The following RHPN2 variants were observed in gnomAD, a reference collection of about 807,000 sequenced individuals.
RHPN2 encodes the protein rhophilin Rho GTPase binding protein 2.
Under a neutral mutation model 79.0 loss-of-function variants are expected in RHPN2, and 40 were observed. That is an observed-to-expected ratio of 0.51 (90% CI 0.39 to 0.66). The LOEUF (loss-of-function observed/expected upper bound fraction) is 0.66. RHPN2 is among the 30% of genes least tolerant of loss of function. The probability of loss-of-function intolerance (pLI) is 0.00; values close to 1 mark genes in which losing one functional copy is unlikely to be tolerated. For missense variants in RHPN2, 686 were observed against 883.5 expected (o/e 0.78, Z 2.83); for synonymous variants, 285 against 363.5 (o/e 0.78, Z 2.46).
At position 32,999,823 on chromosome 19, in the gene RHPN2, A is replaced by T. The variant is rs1421231265; in HGVS notation, c.1106-118T>A. 6 of 1,354,834 alleles carry T rather than the reference A, an allele frequency of 4.4e-6. No individual in the cohort carries two copies. In the African/African-American group the frequency reaches 5.8e-5, roughly 13 times the overall value. 83.9% of individuals were successfully genotyped at this position (1,354,834 alleles called of 1,614,324 possible). On this transcript the variant is annotated intron_variant, in intron 9 of 14. Transcript: ENST00000254260. ...TCTGCAGTTTCACAAGGCATTTGGG[A>T]TCATGGGTCTCCTTTCTGCCCCCGG...
intron 1 of RHPN2, among the ~76,000 whole-genome samples, chr19:33,054,686 C>A (rs1448418201): frequency 6.6e-6 from 1 of 152,204 alleles, no homozygotes; most frequent in African/African-American, 2.4e-5. Flanking sequence ...TCTGGCTGAG[C>A]GGTACCTGCA....
At chr19:32,991,023 A>G (rs1971655571) in intron 13 of RHPN2, among the ~76,000 whole-genome samples, 1 of 151,134 alleles carries the variant, frequency 6.6e-6, no homozygotes, top group South Asian at 2.1e-4. Context: ...TAAAAAAAAA[A>G]AAAAAAAGCC....
chr19:33,025,814 G>A (rs1272596206), intron 3 of RHPN2, among the ~76,000 whole-genome samples: 3 of 152,164 alleles, frequency 2.0e-5, no homozygotes, highest in Non-Finnish European at 4.4e-5. Context: ...CTTGCTTAAT[G>A]TCTGTTCAGT....
Position 33,064,846 on chromosome 19 carries a change from C to T in RHPN2, c.7G>A (p.Asp3Asn), listed in dbSNP as rs766619741. MT[D>N]ALLPAAPQPL... is the part of the protein sequence containing the mutation. Reference sequence around the variant, plus strand: ...TGGGGGGCCGCGGGCAACAGCGCGTCGGTCATGCTAGCGGCGCGGGCGCGG... The same window carrying T: ...TGGGGGGCCGCGGGCAACAGCGCGTTGGTCATGCTAGCGGCGCGGGCGCGG... Residue 3 changes from aspartate to asparagine, a missense_variant, in exon 1 of 15, where the codon GAC becomes AAC. Asp to Asn is a conservative substitution (Grantham distance 23). Coordinates refer to ENST00000254260, the MANE Select transcript of RHPN2 (RefSeq NM_033103.5). 5 of 1,514,488 alleles carry T rather than the reference C, an allele frequency of 3.3e-6. No homozygotes were observed. The South Asian group carries it at 4.9e-5, about 15-fold the overall frequency. The allele number at this position is 1,514,488 out of a possible 1,614,324, so 93.8% of individuals were successfully genotyped here.
At chr19:33,017,066 G>C (rs1159103414) in intron 4 of RHPN2, among the ~76,000 whole-genome samples, 2 of 152,158 alleles carry the variant, frequency 1.3e-5, no homozygotes, top group African/African-American at 4.8e-5. Context: ...GTTTCTCCAA[G>C]AGACTCTTCC....
In RHPN2 at chr19:32,996,101, G is replaced by A. The variant is rs776930286; in HGVS notation, c.1345C>T (p.Arg449Cys). 17 of 1,614,022 alleles carry A rather than the reference G, an allele frequency of 1.1e-5. No individual in the cohort carries two copies. The highest frequency in any genetic ancestry group is 4.5e-5 in the East Asian group (2 of 44,874). Residue 449 changes from arginine to cysteine, a missense_variant, in exon 11 of 15, where the codon CGC (arginine) becomes TGC (cysteine). Arg to Cys is a radical substitution (Grantham distance 180). Transcript: ENST00000254260. ...LQKVLCAAQE[R>C]SRLTYAQHQE... ...TGCTGGGCGTACGTGAGCCGGGAGC[G>A]TTCCTGTGCGGCACACAGCACCTTC... is the stretch of plus-strand genomic sequence containing the variant.
chr19:33,025,353 G>A (rs1180410185), intron 3 of RHPN2, among the ~76,000 whole-genome samples: 2 of 150,662 alleles, frequency 1.3e-5, no homozygotes, highest in South Asian at 2.1e-4. Context: ...GTGATGGTGC[G>A]TGCCTGTAAT....
chr19:32,986,204 C>G (rs1362334048), intron 14 of RHPN2, among the ~76,000 whole-genome samples: 1 of 152,164 alleles, frequency 6.6e-6, no homozygotes, highest in Non-Finnish European at 1.5e-5. Flanking sequence ...CTACAGCAGC[C>G]CCTTCCTTGG....
intron 1 of RHPN2, among the ~76,000 whole-genome samples, chr19:33,058,891 G>T (rs997976449): frequency 1.3e-5 from 2 of 152,134 alleles, no homozygotes; most frequent in African/African-American, 4.8e-5. Context: ...GAGGTCAGGA[G>T]TTCAAGACCA....
At chr19:33,023,530 G>A (rs1971941557) in intron 3 of RHPN2, among the ~76,000 whole-genome samples, 1 of 151,926 alleles carries the variant, frequency 6.6e-6, no homozygotes, top group South Asian at 2.1e-4. Flanking sequence ...GCTCACACCT[G>A]TAATCCCAGC....
intron 7 of RHPN2, among the ~76,000 whole-genome samples, chr19:33,005,890 TTTAA>T (rs1203855623): frequency 4.6e-5 from 7 of 152,156 alleles, no homozygotes; most frequent in Admixed American, 4.6e-4. Context: ...CTTTTATTTT[TTTAA>T]TTAATTAATT....
intron 1 of RHPN2, among the ~76,000 whole-genome samples, chr19:33,045,165 C>T (rs1972132505): frequency 6.6e-6 from 1 of 150,492 alleles, no homozygotes; most frequent in Non-Finnish European, 1.5e-5. Context: ...GATTCTCATG[C>T]CTCAGCTTTC....
At chr19:32,992,071 C>T (rs1163001000) in intron 12 of RHPN2, 102 bp from the exon 13 acceptor site, 76 of 1,349,366 alleles carry the variant, frequency 5.6e-5, no homozygotes, top group Non-Finnish European at 6.4e-5. Context: ...CTCACTTGGC[C>T]TTGTTCAGGG....
At chr19:33,064,387 G>A (rs1972308180) in intron 1 of RHPN2, among the ~76,000 whole-genome samples, 1 of 151,938 alleles carries the variant, frequency 6.6e-6, no homozygotes, top group Non-Finnish European at 1.5e-5. Context: ...CTCCCACCAA[G>A]CGCTCTTGCA....
intron 1 of RHPN2, among the ~76,000 whole-genome samples, chr19:33,047,476 C>T (rs1449123662): frequency 6.6e-6 from 1 of 152,184 alleles, no homozygotes; most frequent in Non-Finnish European, 1.5e-5. Flanking sequence ...GTAGAAGCCT[C>T]AGGACCTGGG....
At chr19:33,035,473 G>A (rs1456181140) in intron 2 of RHPN2, among the ~76,000 whole-genome samples, 1 of 152,196 alleles carries the variant, frequency 6.6e-6, no homozygotes, top group Non-Finnish European at 1.5e-5. Context: ...CTTTAGGTTG[G>A]TCACTTTGAA....
At chr19:33,031,177 C>A (rs1248384430) in intron 2 of RHPN2, among the ~76,000 whole-genome samples, 1 of 149,774 alleles carries the variant, frequency 6.7e-6, no homozygotes, top group African/African-American at 2.5e-5. Flanking sequence ...GCTCCCTGAA[C>A]CTCATCGTTC....
At chr19:33,006,683 G>C (rs906224349) in intron 7 of RHPN2, among the ~76,000 whole-genome samples, 1 of 152,224 alleles carries the variant, frequency 6.6e-6, no homozygotes, top group African/African-American at 2.4e-5. Context: ...CTATGGGGGA[G>C]CAAGGCAGAA....
rs1296274942 is a variant in RHPN2 at position 32,991,956 on chromosome 19, A to C, written c.1511T>G (p.Val504Gly). 6.2e-7 allele frequency: 1 copy of C among 1,613,944 alleles called. No individual in the cohort carries two copies. Among genetic ancestry groups the C allele is most frequent in the Admixed American group, 1.7e-5 (1 of 59,996 alleles). ...DFFQKLGPLS[V>G]FSANKRWTPP... is the part of the protein sequence containing the mutation. ...CGTCCACCGCTTGTTAGCCGAAAAC[A>C]CAGATAAGGGGCCCTTTGGAAGAGA... The change falls in exon 13 of 15, where the codon GTG becomes GGG. Residue 504 changes from valine (V) to glycine (G), a missense_variant. By Grantham distance (109) the Val-to-Gly change is moderately radical (BLOSUM62 -3). Transcript: ENST00000254260.
Sources: gnomAD v4.1 joint callset for allele counts (sites outside exome capture counted in the v4.1 genomes callset) on GRCh38, gnomAD v4.1.1 for gene constraint, MANE v1.5 for transcripts, NCBI Gene and HGNC (gene_info 2026-07-23, HGNC 2026-07-21) for gene names.